SGCD: variants seen among roughly 807,000 people sequenced by gnomAD.
SGCD encodes the protein delta-sarcoglycan.
A neutral mutation model predicts 36.6 loss-of-function variants in SGCD; 18 were observed. That is an observed-to-expected ratio of 0.49 (90% confidence interval 0.34 to 0.73). SGCD has a LOEUF of 0.73. SGCD is among the 30% of genes least tolerant of loss of function. SGCD has a pLI of 0.01. For missense variants in SGCD, 387 were observed against 346.7 expected (o/e 1.12, Z -0.92); for synonymous variants, 133 against 130.6 (o/e 1.02, Z -0.12).
At chr5:155,749,517 A>C in the SGCD span, among the ~76,000 whole-genome samples, 2 of 152,214 alleles carry the variant, frequency 1.3e-5, no homozygotes, top group Non-Finnish European at 2.9e-5. Context: ...ATACATTTGA[A>C]ACTCAAGAAT....
intron 7 of SGCD, among the ~76,000 whole-genome samples, chr5:156,668,227 A>T (rs950983870): frequency 6.6e-6 from 1 of 152,200 alleles, no homozygotes; most frequent in Non-Finnish European, 1.5e-5. Flanking sequence ...TCCTGTTTGA[A>T]TTCCTCAAAC....
chr5:155,950,461 G>A lies in SGCD; in HGVS notation c.-282+80037G>A, dbSNP rs374572875. 2.6e-5 allele frequency among the ~76,000 whole-genome samples: 4 copies of A among 152,160 alleles called. No individual in the cohort carries two copies. The South Asian group carries it at 6.2e-4, about 24-fold the overall frequency. The stretch of plus-strand genomic sequence containing the variant: ...GATTGGCTCAGAAGCGGTTAAACCC[G>A]TCCCTGAACTTTCACTATGGATAAA... On this transcript the variant is annotated intron_variant, in intron 1 of 9. Transcript: ENST00000517913.
chr5:156,129,702 C>G (rs947891654), intron 3 of SGCD, among the ~76,000 whole-genome samples: 1 of 152,144 alleles, frequency 6.6e-6, no homozygotes, highest in African/African-American at 2.4e-5. Context: ...CATGAGTTCT[C>G]ATAATTTAGC....
At chr5:156,095,124 A>G (rs919842210) in intron 1 of SGCD, among the ~76,000 whole-genome samples, 3 of 152,234 alleles carry the variant, frequency 2.0e-5, no homozygotes, top group East Asian at 1.9e-4. Context: ...TCCACAAGCC[A>G]CCTCCTGATA....
intron 3 of SGCD, among the ~76,000 whole-genome samples, chr5:156,365,799 A>G (rs1459361369): frequency 1.3e-5 from 2 of 152,222 alleles, no homozygotes; most frequent in Non-Finnish European, 2.9e-5. Context: ...ATGCATGTAT[A>G]CATAAATACA....
intron 2 of SGCD, among the ~76,000 whole-genome samples, chr5:156,333,309 CA>C (rs2127705686): frequency 6.6e-6 from 1 of 152,198 alleles, no homozygotes; most frequent in Admixed American, 6.5e-5. Context: ...AGAGACATAT[CA>C]AAGATGGTTT....
chr5:155,833,836 A>G, the SGCD span, among the ~76,000 whole-genome samples: 1 of 152,228 alleles, frequency 6.6e-6, no homozygotes, highest in Non-Finnish European at 1.5e-5. Flanking sequence ...TAATAATTTT[A>G]GATCAGGTCA....
At chr5:156,498,278 AC>A (rs1426691046) in intron 3 of SGCD, among the ~76,000 whole-genome samples, 6 of 151,528 alleles carry the variant, frequency 4.0e-5, no homozygotes, top group Admixed American at 6.6e-5. Context: ...AAAAAAAAAA[AC>A]ACCTCGTTAG....
chr5:156,498,334 A>G (rs1561736314), intron 3 of SGCD, among the ~76,000 whole-genome samples: 2 of 151,952 alleles, frequency 1.3e-5, no homozygotes, highest in Non-Finnish European at 2.9e-5. Context: ...TAAGTATACA[A>G]CTGAGTGATT....
chr5:156,425,381 T>C (rs546609820), intron 3 of SGCD, among the ~76,000 whole-genome samples: 2 of 152,228 alleles, frequency 1.3e-5, no homozygotes, highest in East Asian at 1.9e-4. Flanking sequence ...TTATTAGCAA[T>C]TAAACACACA....
chr5:156,229,814 G>A (rs183981389), intron 3 of SGCD, among the ~76,000 whole-genome samples: 10 of 152,112 alleles, frequency 6.6e-5, no homozygotes, highest in African/African-American at 1.4e-4. Flanking sequence ...AGGTTTGGTC[G>A]TTTAACATAA....
At chr5:156,383,436 G>A (rs1455926381) in intron 3 of SGCD, among the ~76,000 whole-genome samples, 2 of 152,066 alleles carry the variant, frequency 1.3e-5, no homozygotes, top group Non-Finnish European at 2.9e-5. Flanking sequence ...CCCAGTAGGC[G>A]GAGGTTACAG....
the SGCD span, among the ~76,000 whole-genome samples, chr5:155,829,995 A>G: frequency 6.6e-6 from 1 of 152,242 alleles, no homozygotes; most frequent in African/African-American, 2.4e-5. Context: ...AATATGTAGT[A>G]GAAAATGACA....
intron 1 of SGCD, among the ~76,000 whole-genome samples, chr5:155,992,522 G>T (rs1758453940): frequency 6.6e-6 from 1 of 152,112 alleles, no homozygotes; most frequent in Non-Finnish European, 1.5e-5. Flanking sequence ...AGCACTAATT[G>T]GTGAAAATGT....
chr5:155,791,864 T>G, the SGCD span, among the ~76,000 whole-genome samples: 3 of 152,168 alleles, frequency 2.0e-5, no homozygotes, highest in East Asian at 5.8e-4. Flanking sequence ...ATGCTATCCC[T>G]ATGAAAATAC....
intron 1 of SGCD, among the ~76,000 whole-genome samples, chr5:156,093,802 G>C (rs549843835): frequency 6.6e-6 from 1 of 152,304 alleles, no homozygotes; most frequent in Non-Finnish European, 1.5e-5. Context: ...GCTTAAGTGG[G>C]CTGATGGGTG....
intron 7 of SGCD, among the ~76,000 whole-genome samples, chr5:156,744,585 G>A (rs549872451): frequency 9.2e-5 from 14 of 152,280 alleles, no homozygotes; most frequent in Admixed American, 9.2e-4. Context: ...TCCAGCATCA[G>A]ACACAAAGAC....
At chr5:155,872,362 C>G (rs1408276799) in intron 1 of SGCD, among the ~76,000 whole-genome samples, 1 of 151,118 alleles carries the variant, frequency 6.6e-6, no homozygotes, top group South Asian at 2.1e-4. Context: ...CACACACACA[C>G]ACACACACAC....
At chr5:156,218,200 C>T (rs755879749) in intron 3 of SGCD, among the ~76,000 whole-genome samples, 64 of 152,032 alleles carry the variant, frequency 4.2e-4, no homozygotes, top group Non-Finnish European at 8.8e-4. Context: ...TGCAGTGAGC[C>T]GAGATGGCGC....
Sources: allele counts gnomAD v4.1 joint callset (sites outside exome capture counted in the v4.1 genomes callset), GRCh38; gene constraint gnomAD v4.1.1; transcripts MANE v1.5; gene names NCBI Gene and HGNC (gene_info 2026-07-23, HGNC 2026-07-21).